The following GFRA3 variants were observed in gnomAD, a reference collection of about 807,000 sequenced individuals.
GFRA3 encodes the protein GDNF family receptor alpha-3.
In GFRA3, 24 loss-of-function variants were observed where a neutral mutation model predicts 40.0. That is an observed-to-expected ratio of 0.60 (90% CI 0.43 to 0.84). The LOEUF (loss-of-function observed/expected upper bound fraction) is 0.84, where lower values mean the gene tolerates loss of function less well. GFRA3 is among the 40% of genes least tolerant of loss of function. The probability of loss-of-function intolerance (pLI) is 0.00; values close to 1 mark genes in which losing one functional copy is unlikely to be tolerated. For synonymous variants in GFRA3, 203 were observed against 213.5 expected, an observed-to-expected ratio of 0.95 and a Z score of 0.43; for missense variants, 405 against 530.6, an observed-to-expected ratio of 0.76 and a Z score of 2.33.
chr5:138,272,964 T>C lies in GFRA3; in HGVS notation c.91+1370A>G, dbSNP rs191874667. Reference sequence around the variant, plus strand: ...ATGCCTCAGGGCACAAGATCCTCATTTGTTTCTCATCAGTGAGGCCCACAA... The same window carrying C: ...ATGCCTCAGGGCACAAGATCCTCATCTGTTTCTCATCAGTGAGGCCCACAA... On this transcript the variant is annotated intron_variant, in intron 1 of 7. Transcript: ENST00000274721. 3.4e-3 allele frequency among the ~76,000 whole-genome samples: 513 copies of C among 152,256 alleles called. 2 individuals are homozygous for C. Among genetic ancestry groups the C allele is most frequent in the Non-Finnish European group, 5.9e-3 (398 of 68,012 alleles).
rs376936249 is a variant in GFRA3 at position 138,253,846 on chromosome 5, C to G, written c.944G>C (p.Ser315Thr). Residue 315 changes from serine to threonine, a missense_variant, in exon 6 of 8, where the codon AGC becomes ACC. Transcript: ENST00000274721. Reference protein sequence around the residue: ...VSNVNTSVALSCTCRGSGNLQ... With the variant: ...VSNVNTSVALTCTCRGSGNLQ... ...GTTGCCACTGCCTCGGCAGGTGCAG[C>G]TTAAGGCAACACTGGTGTTGACATT... is the stretch of plus-strand genomic sequence containing the variant. 4.3e-6 allele frequency: 7 copies of G among 1,613,988 alleles called. No individual in the cohort carries two copies. The African/African-American group carries it at 9.3e-5, about 22-fold the overall frequency.
intron 1 of GFRA3, among the ~76,000 whole-genome samples, chr5:138,266,723 G>A (rs1012511878): frequency 1.3e-5 from 2 of 151,254 alleles, no homozygotes; most frequent in African/African-American, 4.9e-5. Context: ...AGTCAGGCTG[G>A]AGTGCAGTGA....
chr5:138,262,344 C>T (rs993330717), intron 2 of GFRA3, among the ~76,000 whole-genome samples: 4 of 152,114 alleles, frequency 2.6e-5, no homozygotes, highest in African/African-American at 7.2e-5. Flanking sequence ...AAAACAGGGC[C>T]TTATTAAAGA....
chr5:138,258,380 T>A (rs1190065382), intron 3 of GFRA3, among the ~76,000 whole-genome samples: 2 of 151,764 alleles, frequency 1.3e-5, no homozygotes, highest in Non-Finnish European at 2.9e-5. Flanking sequence ...TGGGGTTTCA[T>A]CATGTTAGCC....
Position 138,253,899 on chromosome 5 carries a change from C to T in GFRA3, c.891G>A (p.Gly297=), listed in dbSNP as rs760419589. ...TGACAAAGTTGGGGGTCATGGCAGT[C>T]CCTGTGAAGAGGGAAAGGGTAGTCA... ...RCLRAYLGLI[G]TAMTPNFVSN... The change falls in exon 6 of 8, where the codon GGG becomes GGA. Residue 297 remains glycine (G), a splice_region_variant and synonymous_variant. Coordinates refer to ENST00000274721, the MANE Select transcript of GFRA3 (RefSeq NM_001496.4). 3 of 1,613,282 alleles carry T rather than the reference C, an allele frequency of 1.9e-6. No individual in the cohort carries two copies. Among genetic ancestry groups the T allele is most frequent in the Admixed American group, 1.7e-5 (1 of 59,950 alleles).
intron 1 of GFRA3, among the ~76,000 whole-genome samples, chr5:138,272,495 T>G (rs1755890545): frequency 6.7e-6 from 1 of 149,254 alleles, no homozygotes; most frequent in South Asian, 2.2e-4. Context: ...ATACAAAAAT[T>G]AACCAGGTGT....
At position 138,274,455 on chromosome 5, in the gene GFRA3, C is replaced by T; in HGVS notation, c.-31G>A. 1 of 1,284,334 alleles carries T rather than the reference C, an allele frequency of 7.8e-7. No individual in the cohort carries two copies. Among genetic ancestry groups the T allele is most frequent in the Non-Finnish European group, 9.9e-7 (1 of 1,013,094 alleles). 79.6% of individuals were successfully genotyped at this position (1,284,334 alleles called of 1,614,324 possible). A position where few individuals can be genotyped will look rare whatever the true frequency, so the allele number is the denominator to read the frequency against. ...GCTGTAGGCGCCGGGCTCCGCGCTCCCCTCGCTCCTCCCCTGGAGCTCTGA... is the reference window on the plus strand; with the variant it reads ...GCTGTAGGCGCCGGGCTCCGCGCTCTCCTCGCTCCTCCCCTGGAGCTCTGA... On this transcript the variant is annotated 5_prime_UTR_variant, in exon 1 of 8. Coordinates refer to ENST00000274721, the MANE Select transcript of GFRA3 (RefSeq NM_001496.4).
chr5:138,266,585 A>C (rs1210366849), intron 1 of GFRA3, among the ~76,000 whole-genome samples: 1 of 152,234 alleles, frequency 6.6e-6, no homozygotes, highest in Non-Finnish European at 1.5e-5. Flanking sequence ...AATCCAGATA[A>C]AGGAATAGAA....
intron 2 of GFRA3, among the ~76,000 whole-genome samples, chr5:138,262,786 G>A (rs1755730378): frequency 6.6e-6 from 1 of 151,802 alleles, no homozygotes; most frequent in Non-Finnish European, 1.5e-5. Flanking sequence ...AATGTTTGTT[G>A]TGGTTATCCT....
At position 138,260,492 on chromosome 5, in the gene GFRA3, G is replaced by T. The variant is rs115799571; in HGVS notation, c.380-843C>A. ...TTACTAAAAATGCAATGGGGTGCCGGGCACGGTGGCTCACACCTGTAATCC... is the reference window on the plus strand; with the variant it reads ...TTACTAAAAATGCAATGGGGTGCCGTGCACGGTGGCTCACACCTGTAATCC... On this transcript the variant is annotated intron_variant, in intron 2 of 7. Coordinates refer to ENST00000274721, the MANE Select transcript of GFRA3 (RefSeq NM_001496.4). Among the ~76,000 whole-genome samples the T allele has an allele frequency of 7.3e-3, 1,108 of 152,292 alleles. 8 individuals are homozygous for T. The highest frequency in any genetic ancestry group is 0.025 in the African/African-American group (1,027 of 41,556).
chr5:138,257,687 G>C lies in GFRA3; in HGVS notation c.737C>G (p.Pro246Arg), dbSNP rs1406064784. 1 of 1,609,924 alleles carries C rather than the reference G, an allele frequency of 6.2e-7. No homozygotes were observed. Among genetic ancestry groups the C allele is most frequent in the Middle Eastern group, 1.7e-4 (1 of 6,030 alleles). The change falls in exon 4 of 8, where the codon CCC (proline) becomes CGC (arginine). Residue 246 changes from proline to arginine, a missense_variant. Physicochemically the swap from Pro to Arg is moderately radical, Grantham distance 103. Coordinates refer to ENST00000274721, the MANE Select transcript of GFRA3 (RefSeq NM_001496.4). ...APNCALPPVA[P>R]NCLELRRLCF... Reference sequence around the variant, plus strand: ...GAGGCGCCGCAGCTCCAGGCAGTTGGGGGCCACAGGCGGCAGCGCGCAGTT... The same window carrying C: ...GAGGCGCCGCAGCTCCAGGCAGTTGCGGGCCACAGGCGGCAGCGCGCAGTT...
At chr5:138,260,124 A>G (rs1010268602) in intron 2 of GFRA3, among the ~76,000 whole-genome samples, 1 of 152,054 alleles carries the variant, frequency 6.6e-6, no homozygotes, top group African/African-American at 2.4e-5. Flanking sequence ...ATACGTCCCC[A>G]CCTGTTGCCA....
intron 4 of GFRA3, among the ~76,000 whole-genome samples, chr5:138,255,871 G>A (rs1195647370): frequency 8.0e-5 from 12 of 149,398 alleles, no homozygotes; most frequent in African/African-American, 3.0e-4. Context: ...CTGCCCTCCA[G>A]CCTGGGTAAC....
chr5:138,273,847 A>C (rs1428109241), intron 1 of GFRA3, among the ~76,000 whole-genome samples: 1 of 152,190 alleles, frequency 6.6e-6, no homozygotes, highest in African/African-American at 2.4e-5. Context: ...AAGGCCTGCT[A>C]TTGTAGAAGG....
intron 3 of GFRA3, 54 bp from the exon 4 acceptor site, chr5:138,258,005 C>G: frequency 6.9e-7 from 1 of 1,451,632 alleles, no homozygotes; most frequent in Non-Finnish European, 9.7e-7. Context: ...CGCCTGCACC[C>G]CAGGTTCCAC....
At chr5:138,258,617 G>A (rs1755669471) in intron 3 of GFRA3, among the ~76,000 whole-genome samples, 1 of 152,170 alleles carries the variant, frequency 6.6e-6, no homozygotes. Flanking sequence ...GTGCTATGCT[G>A]TGAGATCTGA....
rs570895648 is a variant in GFRA3 at position 138,263,708 on chromosome 5, TA to T, written c.379+552del. Among the ~76,000 whole-genome samples the T allele has an allele frequency of 2.3e-3, 354 of 152,314 alleles. 1 individual carries two copies. The highest frequency in any genetic ancestry group is 3.9e-3 in the Non-Finnish European group (266 of 68,016). On this transcript the variant is annotated intron_variant, in intron 2 of 7. Transcript: ENST00000274721. ...GCCAATACAGAACATGAGCAAGAAT[TA>T]AACCTTTGTTTTGCAAGTCACTGTT...
At chr5:138,272,500 A>T (rs1157883937) in intron 1 of GFRA3, among the ~76,000 whole-genome samples, 1 of 149,942 alleles carries the variant, frequency 6.7e-6, no homozygotes, top group Non-Finnish European at 1.5e-5. Context: ...AAAATTAACC[A>T]GGTGTGGTGG....
intron 6 of GFRA3, 141 bp downstream of exon 6, chr5:138,253,625 G>A: frequency 1.0e-5 from 8 of 791,042 alleles, no homozygotes; most frequent in Non-Finnish European, 1.6e-5. Context: ...CCTGGGCTAT[G>A]GCAATGAAAG....
Sources: allele counts gnomAD v4.1 joint callset (sites outside exome capture counted in the v4.1 genomes callset), GRCh38; gene constraint gnomAD v4.1.1; transcripts MANE v1.5; gene names NCBI Gene and HGNC (gene_info 2026-07-23, HGNC 2026-07-21).